Variants in SAMM50 observed in about 807,000 individuals in gnomAD.
The protein encoded by SAMM50 is SAMM50 sorting and assembly machinery component, also known as sorting and assembly machinery component 50 homolog.
A neutral mutation model predicts 66.9 loss-of-function variants in SAMM50; 47 were observed. The observed-to-expected ratio is 0.70, with a 90% CI of 0.56 to 0.90. SAMM50 has a LOEUF of 0.90. Ranked by LOEUF, SAMM50 falls within the 40% of genes least tolerant of loss-of-function variation. The probability of loss-of-function intolerance (pLI) is 0.00; values close to 1 mark genes in which losing one functional copy is unlikely to be tolerated. For synonymous variants in SAMM50, 191 were observed against 214.1 expected (o/e 0.89, Z 0.94); for missense variants, 535 against 595.3 (o/e 0.90, Z 1.05).
At chr22:43,958,115 C>T (rs1004366618) in intron 1 of SAMM50, among the ~76,000 whole-genome samples, 2 of 152,224 alleles carry the variant, frequency 1.3e-5, no homozygotes, top group Non-Finnish European at 2.9e-5. Flanking sequence ...TATTGCACTT[C>T]ATTCCCCCTC....
intron 4 of SAMM50, among the ~76,000 whole-genome samples, chr22:43,971,833 C>A (rs1278363041): frequency 6.6e-6 from 1 of 152,044 alleles, no homozygotes; most frequent in Non-Finnish European, 1.5e-5. Flanking sequence ...ACCTCAGCCT[C>A]CCGAATAGTT....
At chr22:43,964,327 G>A in intron 2 of SAMM50, 125 bp from the exon 3 acceptor site, 1 of 583,878 alleles carries the variant, frequency 1.7e-6, no homozygotes, top group Non-Finnish European at 3.1e-6. Context: ...CCAGAGGTAA[G>A]AAGTGTGGAT....
At chr22:43,971,908 G>A (rs1471479922) in intron 4 of SAMM50, among the ~76,000 whole-genome samples, 1 of 151,952 alleles carries the variant, frequency 6.6e-6, no homozygotes, top group Non-Finnish European at 1.5e-5. Flanking sequence ...ATGTTGCTGG[G>A]GCTGGTCTTG....
At chr22:43,964,269 G>C (rs568603472) in intron 2 of SAMM50, among the ~76,000 whole-genome samples, 183 bp from the exon 3 acceptor site, 1 of 152,326 alleles carries the variant, frequency 6.6e-6, no homozygotes, top group South Asian at 2.1e-4. Context: ...GAGCAAAGGG[G>C]AAGTCACAGT....
At chr22:43,963,233 G>A in intron 1 of SAMM50, 53 bp from the exon 2 acceptor site, 2 of 1,084,850 alleles carry the variant, frequency 1.8e-6, no homozygotes, top group Non-Finnish European at 2.7e-6. Flanking sequence ...AAAGGTAAGT[G>A]TGTGTATATA....
chr22:43,976,160 C>A lies in SAMM50; in HGVS notation c.754C>A (p.His252Asn). 2 of 1,606,992 alleles carry A rather than the reference C, an allele frequency of 1.2e-6. No individual in the cohort carries two copies. Among genetic ancestry groups the A allele is most frequent in the Non-Finnish European group, 1.7e-6 (2 of 1,174,152 alleles). Residue 252 changes from histidine (H) to asparagine (N), a missense_variant, in exon 8 of 15, where the codon CAT (histidine) becomes AAT (asparagine). His to Asn is a moderately conservative substitution (Grantham distance 68). Coordinates refer to ENST00000350028, the MANE Select transcript of SAMM50 (RefSeq NM_015380.5). ...ASFAVRKESG[H>N]SLKSSLSHAM... ...ATTTGCTGTTCGAAAAGAAAGCGGA[C>A]ATTCACTGAAATCATCTCTTTCGGT...
At chr22:43,962,374 T>G (rs1177173068) in intron 1 of SAMM50, among the ~76,000 whole-genome samples, 2 of 152,242 alleles carry the variant, frequency 1.3e-5, no homozygotes, top group East Asian at 3.8e-4. Context: ...AGTCAGAGAC[T>G]GTCTGTCTTA....
intron 14 of SAMM50, among the ~76,000 whole-genome samples, chr22:43,993,579 T>G (rs2146830554): frequency 6.6e-6 from 1 of 152,342 alleles, no homozygotes; most frequent in Middle Eastern, 3.4e-3. Context: ...AGGAAGTGCC[T>G]CTGCCCCCAG....
At chr22:43,991,681 A>G (rs1422841125) in intron 14 of SAMM50, among the ~76,000 whole-genome samples, 1 of 152,230 alleles carries the variant, frequency 6.6e-6, no homozygotes, top group Non-Finnish European at 1.5e-5. Context: ...TAAACAACAG[A>G]TGTTCATACT....
At chr22:43,964,199 T>C (rs770879467) in intron 2 of SAMM50, among the ~76,000 whole-genome samples, 12 of 152,210 alleles carry the variant, frequency 7.9e-5, no homozygotes, top group Non-Finnish European at 1.6e-4. Context: ...AGGGCTCACC[T>C]GGTCCTGGGT....
At chr22:43,962,105 C>T (rs2050149923) in intron 1 of SAMM50, among the ~76,000 whole-genome samples, 1 of 152,180 alleles carries the variant, frequency 6.6e-6, no homozygotes, top group Non-Finnish European at 1.5e-5. Context: ...GCATCTAATA[C>T]ACATATCCGA....
intron 14 of SAMM50, among the ~76,000 whole-genome samples, chr22:43,995,065 G>A (rs562742135): frequency 6.6e-6 from 1 of 152,274 alleles, no homozygotes; most frequent in Non-Finnish European, 1.5e-5. Context: ...CAACTAAATG[G>A]TACAAATGCA....
intron 14 of SAMM50, among the ~76,000 whole-genome samples, chr22:43,992,721 C>T (rs2146829912): frequency 6.6e-6 from 1 of 152,320 alleles, no homozygotes; most frequent in South Asian, 2.1e-4. Flanking sequence ...GCATGCAGAG[C>T]CCTTGGCGCA....
chr22:43,966,811 T>TC (rs1229031043), intron 3 of SAMM50, among the ~76,000 whole-genome samples: 1 of 151,976 alleles, frequency 6.6e-6, no homozygotes, highest in Non-Finnish European at 1.5e-5. Context: ...ATCCAGCATT[T>TC]TTTTTTTTCT....
At chr22:43,977,997 C>T (rs2050242034) in intron 10 of SAMM50, 39 bp downstream of exon 10, 2 of 1,370,656 alleles carry the variant, frequency 1.5e-6, no homozygotes, top group South Asian at 2.4e-5. Flanking sequence ...CACTGTCAGC[C>T]CTTACTTTGG....
chr22:43,971,462 C>T (rs1315332917), intron 4 of SAMM50, among the ~76,000 whole-genome samples: 1 of 152,200 alleles, frequency 6.6e-6, no homozygotes, highest in Admixed American at 6.5e-5. Context: ...GGAGGACAGA[C>T]ATGCCTCTTA....
chr22:43,994,128 C>A (rs2146830892), intron 14 of SAMM50, among the ~76,000 whole-genome samples: 1 of 152,256 alleles, frequency 6.6e-6, no homozygotes, highest in African/African-American at 2.4e-5. Flanking sequence ...TGAGCTGAAT[C>A]TTCCTAGAGG....
intron 4 of SAMM50, among the ~76,000 whole-genome samples, 197 bp from the exon 5 acceptor site, chr22:43,972,039 A>AT (rs1336116603): frequency 6.6e-6 from 1 of 152,086 alleles, no homozygotes; most frequent in Non-Finnish European, 1.5e-5. Flanking sequence ...TAGAAACATT[A>AT]TTTTTTGGTG....
intron 10 of SAMM50, among the ~76,000 whole-genome samples, chr22:43,980,102 A>C (rs1403793232): frequency 6.8e-6 from 1 of 147,804 alleles, no homozygotes; most frequent in African/African-American, 2.5e-5. Context: ...CCATCCACCC[A>C]TCCACCCATC....
Sources: allele counts gnomAD v4.1 joint callset (sites outside exome capture counted in the v4.1 genomes callset), GRCh38; gene constraint gnomAD v4.1.1; transcripts MANE v1.5; gene names NCBI Gene and HGNC (gene_info 2026-07-23, HGNC 2026-07-21).